The following COL3A1 variants were observed in gnomAD, a reference collection of about 807,000 sequenced individuals.
COL3A1 encodes collagen alpha-1(III) chain.
A neutral mutation model predicts 200.9 loss-of-function variants in COL3A1; 46 were observed. The observed-to-expected ratio is 0.23, with a 90% CI of 0.18 to 0.29. The LOEUF is 0.29. Ranked by LOEUF, COL3A1 falls within the 10% of genes least tolerant of loss-of-function variation. The probability of loss-of-function intolerance (pLI) is 1.00; values close to 1 mark genes in which losing one functional copy is unlikely to be tolerated. For missense variants in COL3A1, 1,367 were observed against 1,917.6 expected (o/e 0.71, Z 5.36); for synonymous variants, 650 against 628.0 (o/e 1.03, Z -0.52).
intron 40 of COL3A1, 89 bp downstream of exon 40, chr2:189,004,453 G>A: frequency 8.3e-7 from 1 of 1,202,746 alleles, no homozygotes; most frequent in Non-Finnish European, 1.2e-6. Context: ...AAGTTTTTCT[G>A]TCACTGGAGT....
chr2:189,010,136 G>C (rs1399649841), intron 48 of COL3A1, 42 bp from the exon 49 acceptor site: 1 of 1,594,704 alleles, frequency 6.3e-7, no homozygotes, highest in South Asian at 1.1e-5. Flanking sequence ...CTTTATTACT[G>C]GATTTTATAA....
intron 29 of COL3A1, among the ~76,000 whole-genome samples, chr2:188,998,995 A>T (rs1395913174): frequency 6.6e-6 from 1 of 152,250 alleles, no homozygotes; most frequent in Non-Finnish European, 1.5e-5. Flanking sequence ...GATTCTATGT[A>T]GGAAAACTGT....
Position 188,993,376 on chromosome 2 carries a change from G to T in COL3A1, c.1066G>T (p.Ala356Ser). 1 of 1,570,274 alleles carries T rather than the reference G, an allele frequency of 6.4e-7. No homozygotes were observed. The highest frequency in any genetic ancestry group is 8.6e-7 in the Non-Finnish European group (1 of 1,156,366). The change falls in exon 16 of 51, where the codon GCA becomes TCA. Residue 356 changes from alanine to serine, a missense_variant. This residue lies in a region of COL3A1 where 462 missense variants were observed against 681.4 expected (regional missense o/e 0.68). Transcript: ENST00000304636. ...SPGAKGEVGPAGSPGSNGAPG... is the reference protein window; with the variant it reads ...SPGAKGEVGPSGSPGSNGAPG... ...TTACCATTAGGGTGAAGTTGGACCT[G>T]CAGGGTCTCCTGGTTCAAATGGTGC... is the stretch of plus-strand genomic sequence containing the variant.
At chr2:188,988,280 G>A (rs1688105189) in intron 6 of COL3A1, 146 bp downstream of exon 6, 1 of 768,398 alleles carries the variant, frequency 1.3e-6, no homozygotes, top group Non-Finnish European at 2.2e-6. Context: ...AGGCTTCAAA[G>A]ATGGAATTCC....
At chr2:188,997,046 TATATATATGAGAC>T (rs1457977939) in intron 24 of COL3A1, 106 bp from the exon 25 acceptor site, 2 of 697,170 alleles carry the variant, frequency 2.9e-6, no homozygotes, top group Non-Finnish European at 5.2e-6. Flanking sequence ...ATATGAGACA[TATATATATGAGAC>T]ATATATATAT....
chr2:189,004,397 T>C (rs764562512), intron 40 of COL3A1, 33 bp downstream of exon 40: 7 of 1,547,614 alleles, frequency 4.5e-6, no homozygotes, highest in Non-Finnish European at 2.6e-6. Flanking sequence ...ACACTCTTCC[T>C]TCCTTTGGTA....
chr2:188,986,396 G>A (rs1247314807), intron 4 of COL3A1, among the ~76,000 whole-genome samples: 1 of 151,928 alleles, frequency 6.6e-6, no homozygotes, highest in African/African-American at 2.4e-5. Context: ...GTTAAAAAGT[G>A]CATTTCAAAA....
intron 14 of COL3A1, among the ~76,000 whole-genome samples, chr2:188,992,567 C>G (rs1414892934): frequency 1.3e-5 from 2 of 152,010 alleles, no homozygotes; most frequent in African/African-American, 2.4e-5. Flanking sequence ...AGACATGGCA[C>G]TTTAAAGAGT....
intron 43 of COL3A1, 117 bp downstream of exon 43, chr2:189,006,569 A>G (rs1200713554): frequency 9.8e-7 from 1 of 1,017,142 alleles, no homozygotes; most frequent in Non-Finnish European, 1.5e-6. Context: ...CATTTGTTTT[A>G]CAGTTTTAAT....
In COL3A1 at chr2:189,012,572, CAG is replaced by C. The variant is rs13306265; in HGVS notation, c.*799_*800del. The C allele has an allele frequency of 0.23, 35,115 of 152,368 alleles. 4,347 individuals are homozygous for C. Among genetic ancestry groups the C allele is most frequent in the Middle Eastern group, 0.34 (98 of 292 alleles). The allele number at this position is 152,368 out of a possible 1,614,324, so 9.4% of individuals were successfully genotyped here. On this transcript the variant is annotated 3_prime_UTR_variant, in exon 51 of 51. Coordinates refer to ENST00000304636, the MANE Select transcript of COL3A1 (RefSeq NM_000090.4). ...ATCAGAAAGATTCATTGGCATGCCA[CAG>C]GGGATTCTCCTCCTTCATCCTGTAA...
At chr2:189,007,772 G>GA in intron 45 of COL3A1, 113 bp from the exon 46 acceptor site, 2 of 1,413,470 alleles carry the variant, frequency 1.4e-6, no homozygotes, top group Non-Finnish European at 2.0e-6. Context: ...GAAGATTAAA[G>GA]AAAGAAAAAA....
intron 9 of COL3A1, 59 bp from the exon 10 acceptor site, chr2:188,990,248 C>G (rs1410682805): frequency 1.9e-6 from 3 of 1,571,862 alleles, no homozygotes; most frequent in Non-Finnish European, 2.6e-6. Context: ...AAGTGTTTTA[C>G]TACTAGATTG....
At chr2:188,991,203 G>A in intron 11 of COL3A1, 146 bp downstream of exon 11, 1 of 829,784 alleles carries the variant, frequency 1.2e-6, no homozygotes, top group Non-Finnish European at 1.9e-6. Context: ...AACCAATTCA[G>A]ATATTCTATT....
chr2:189,008,483 C>G, intron 47 of COL3A1: 1 of 406,896 alleles, frequency 2.5e-6, no homozygotes, highest in Non-Finnish European at 4.5e-6. Flanking sequence ...GTGCATTTTA[C>G]TTCTCAAACA....
At chr2:188,989,369 A>G (rs1333115730) in intron 7 of COL3A1, 27 bp from the exon 8 acceptor site, 2 of 1,533,038 alleles carry the variant, frequency 1.3e-6, no homozygotes, top group Non-Finnish European at 1.8e-6. Context: ...TTACAAATCT[A>G]TTCATTTTTT....
intron 10 of COL3A1, 49 bp downstream of exon 10, chr2:188,990,409 T>G: frequency 6.8e-7 from 1 of 1,469,878 alleles, no homozygotes; most frequent in Non-Finnish European, 9.5e-7. Flanking sequence ...TGGGCTATGT[T>G]TACTTGCCTA....
chr2:188,985,617 A>T (rs372447119), intron 3 of COL3A1, 48 bp from the exon 4 acceptor site: 27 of 1,192,956 alleles, frequency 2.3e-5, no homozygotes, highest in Non-Finnish European at 3.2e-5. Flanking sequence ...AATGATTGTG[A>T]ATCACCAGGA....
At chr2:188,985,554 A>C in intron 3 of COL3A1, 111 bp from the exon 4 acceptor site, 1 of 733,340 alleles carries the variant, frequency 1.4e-6, no homozygotes, top group Non-Finnish European at 2.3e-6. Flanking sequence ...TAAAGAAAAT[A>C]TATTACTTAT....
At chr2:188,996,723 T>C (rs532299717) in intron 24 of COL3A1, among the ~76,000 whole-genome samples, 21 of 152,296 alleles carry the variant, frequency 1.4e-4, no homozygotes, top group Non-Finnish European at 1.5e-4. Context: ...GTGCGCTGGC[T>C]CACGCCTGTA....
Sources: allele counts gnomAD v4.1 joint callset (sites outside exome capture counted in the v4.1 genomes callset), GRCh38; gene constraint gnomAD v4.1.1; regional missense constraint gnomAD v4.1.1; transcripts MANE v1.5; gene names NCBI Gene and HGNC (gene_info 2026-07-23, HGNC 2026-07-21).